GPATCH8: variants seen among roughly 807,000 people sequenced by gnomAD.
The protein encoded by GPATCH8 is G patch domain-containing protein 8.
A neutral mutation model predicts 118.3 loss-of-function variants in GPATCH8; 18 were observed. That is an observed-to-expected ratio of 0.15 (90% CI 0.11 to 0.23). The LOEUF (loss-of-function observed/expected upper bound fraction) is 0.23. Among genes scored for constraint, GPATCH8 ranks in the 10% least tolerant of loss-of-function variants. The pLI is 1.00. For missense variants in GPATCH8, 1,631 were observed against 1,873.8 expected (o/e 0.87, Z 2.39); for synonymous variants, 659 against 684.7 (o/e 0.96, Z 0.59).
Position 44,436,523 on chromosome 17 carries a change from G to C in GPATCH8, c.216C>G (p.Ile72Met). Residue 72 changes from isoleucine (I) to methionine (M), a missense_variant, in exon 4 of 8, where the codon ATC becomes ATG. Transcript: ENST00000591680. ...TGCCCATGACATCATACTTGACAAC[G>C]ATTGGAATGGGATCTGTTCTCCCTG... ...SLQGRTDPIP[I>M]VVKYDVMGMG... The C allele has an allele frequency of 6.6e-7, 1 of 1,510,970 alleles. No homozygotes were observed. The highest frequency in any genetic ancestry group is 9.2e-7 in the Non-Finnish European group (1 of 1,085,722). The allele number at this position is 1,510,970 out of a possible 1,614,324, so 93.6% of individuals were successfully genotyped here.
intron 2 of GPATCH8, among the ~76,000 whole-genome samples, chr17:44,466,120 C>T (rs1162421903): frequency 6.6e-6 from 1 of 152,034 alleles, no homozygotes; most frequent in East Asian, 1.9e-4. Context: ...TGGGCTCAAG[C>T]AATCCTCCCA....
chr17:44,456,664 C>G (rs939589199), intron 3 of GPATCH8, among the ~76,000 whole-genome samples: 2 of 151,804 alleles, frequency 1.3e-5, no homozygotes, highest in African/African-American at 4.8e-5. Context: ...AAAATGTAGT[C>G]TAAACATATT....
Position 44,396,109 on chromosome 17 carries a change from T to A in GPATCH8, c.*1459A>T, listed in dbSNP as rs2048770026. 2.2e-6 allele frequency: 1 copy of A among 454,496 alleles called. No homozygotes were observed. Among genetic ancestry groups the A allele is most frequent in the African/African-American group, 2.0e-5 (1 of 50,072 alleles). The allele number at this position is 454,496 out of a possible 1,614,324, so 28.2% of individuals were successfully genotyped here. On this transcript the variant is annotated 3_prime_UTR_variant, in exon 8 of 8. Transcript: ENST00000591680. ...GACTGTCCCAACTCATCCTCCAGCCTACTTCTACTTCCGTTTCTACCAACC... is the reference window on the plus strand; with the variant it reads ...GACTGTCCCAACTCATCCTCCAGCCAACTTCTACTTCCGTTTCTACCAACC...
intron 2 of GPATCH8, among the ~76,000 whole-genome samples, chr17:44,471,621 T>C (rs1967285222): frequency 6.6e-6 from 1 of 152,196 alleles, no homozygotes; most frequent in South Asian, 2.1e-4. Context: ...TCAATAGATA[T>C]TGCTGCAGAG....
intron 2 of GPATCH8, among the ~76,000 whole-genome samples, chr17:44,472,751 A>G (rs1967394863): frequency 6.6e-6 from 1 of 152,146 alleles, no homozygotes; most frequent in South Asian, 2.1e-4. Flanking sequence ...GCTAGAGTGC[A>G]GTGGCACAAT....
At chr17:44,446,515 G>T (rs892593083) in intron 3 of GPATCH8, among the ~76,000 whole-genome samples, 3 of 152,072 alleles carry the variant, frequency 2.0e-5, no homozygotes, top group African/African-American at 4.8e-5. Flanking sequence ...CAGTGAAGCC[G>T]AGTTCACACC....
chr17:44,467,540 T>A (rs1356074689), intron 2 of GPATCH8, among the ~76,000 whole-genome samples: 3 of 152,152 alleles, frequency 2.0e-5, no homozygotes, highest in Non-Finnish European at 4.4e-5. Flanking sequence ...CTTGCCACTC[T>A]AAGTCCTTCC....
At chr17:44,431,234 T>C (rs1274189596) in intron 5 of GPATCH8, among the ~76,000 whole-genome samples, 1 of 150,788 alleles carries the variant, frequency 6.6e-6, no homozygotes, top group Non-Finnish European at 1.5e-5. Flanking sequence ...ATTCGCTGGG[T>C]GTGATGGTGC....
intron 1 of GPATCH8, among the ~76,000 whole-genome samples, chr17:44,478,599 A>G (rs1967957707): frequency 6.6e-6 from 1 of 152,016 alleles, no homozygotes. Context: ...GGGGTTCAAG[A>G]CTGCTGTGAG....
At chr17:44,401,821 C>T (rs575179512) in intron 7 of GPATCH8, among the ~76,000 whole-genome samples, 27 of 151,726 alleles carry the variant, frequency 1.8e-4, no homozygotes, top group African/African-American at 3.6e-4. Context: ...CTGGCCAACA[C>T]GGTGAAACCC....
intron 6 of GPATCH8, among the ~76,000 whole-genome samples, chr17:44,419,851 G>A (rs1346594280): frequency 6.6e-6 from 1 of 151,980 alleles, no homozygotes; most frequent in African/African-American, 2.4e-5. Flanking sequence ...CCAAGTTCAG[G>A]GAAGAGACGA....
At chr17:44,468,049 T>C (rs183868089) in intron 2 of GPATCH8, among the ~76,000 whole-genome samples, 1 of 151,780 alleles carries the variant, frequency 6.6e-6, no homozygotes, top group East Asian at 1.9e-4. Context: ...TAGCTCAGGC[T>C]GGAGTGTAAC....
chr17:44,453,839 C>G (rs2051226020), intron 3 of GPATCH8, among the ~76,000 whole-genome samples: 2 of 151,894 alleles, frequency 1.3e-5, no homozygotes, highest in Admixed American at 1.3e-4. Context: ...AGCCTAGTTA[C>G]AGTTTTTAAA....
chr17:44,468,850 T>C (rs1257485935), intron 2 of GPATCH8, among the ~76,000 whole-genome samples: 1 of 152,170 alleles, frequency 6.6e-6, no homozygotes, highest in Non-Finnish European at 1.5e-5. Context: ...AAAGAAATCC[T>C]AACTTTAATA....
At chr17:44,471,872 T>TA (rs34968232) in intron 2 of GPATCH8, among the ~76,000 whole-genome samples, 104 of 128,500 alleles carry the variant, frequency 8.1e-4, no homozygotes, top group East Asian at 3.0e-3. Context: ...CCAAAAAAAG[T>TA]AAAAAAAAAA....
At chr17:44,495,241 C>T (rs1046530149) in intron 1 of GPATCH8, among the ~76,000 whole-genome samples, 1 of 151,950 alleles carries the variant, frequency 6.6e-6, no homozygotes, top group Non-Finnish European at 1.5e-5. Flanking sequence ...GGCTGAGCCA[C>T]GAGAATTGCT....
At chr17:44,472,452 A>G (rs1413358908) in intron 2 of GPATCH8, among the ~76,000 whole-genome samples, 1 of 152,240 alleles carries the variant, frequency 6.6e-6, no homozygotes, top group Admixed American at 6.5e-5. Flanking sequence ...GTAGCCCTCT[A>G]GGCTTAAAAT....
At chr17:44,433,726 AG>A (rs1244493738) in intron 5 of GPATCH8, among the ~76,000 whole-genome samples, 1 of 152,242 alleles carries the variant, frequency 6.6e-6, no homozygotes, top group Non-Finnish European at 1.5e-5. Flanking sequence ...TCTGAAGTTC[AG>A]GCAGAATAAA....
intron 5 of GPATCH8, among the ~76,000 whole-genome samples, chr17:44,428,872 T>A (rs34614297): frequency 0.065 from 9,822 of 152,118 alleles, 1,014 homozygotes; most frequent in African/African-American, 0.22. Flanking sequence ...CCAGGCACGC[T>A]GGCTCATGCC....
Sources: gnomAD v4.1 joint callset for allele counts (sites outside exome capture counted in the v4.1 genomes callset) on GRCh38, gnomAD v4.1.1 for gene constraint, MANE v1.5 for transcripts, NCBI Gene and HGNC (gene_info 2026-07-23, HGNC 2026-07-21) for gene names.